EPHA6: variants seen among roughly 807,000 people sequenced by gnomAD.
EPHA6 encodes ephrin type-A receptor 6.
EPHA6 carries 50 observed loss-of-function variants against 112.0 expected under a neutral mutation model. That is an observed-to-expected ratio of 0.45 (90% CI 0.36 to 0.56). EPHA6 has a LOEUF of 0.56. EPHA6 is among the 20% of genes least tolerant of loss of function. EPHA6 has a pLI of 0.00. For missense variants in EPHA6, 1,280 were observed against 1,417.4 expected (o/e 0.90, Z 1.56); for synonymous variants, 529 against 490.7 (o/e 1.08, Z -1.03).
chr3:96,899,518 T>C (rs1231203611), intron 2 of EPHA6, among the ~76,000 whole-genome samples: 2 of 152,202 alleles, frequency 1.3e-5, no homozygotes, highest in South Asian at 2.1e-4. Context: ...GACAATCAAA[T>C]ATGTAGACTA....
At chr3:97,624,146 C>T (rs915035370) in intron 13 of EPHA6, among the ~76,000 whole-genome samples, 4 of 151,616 alleles carry the variant, frequency 2.6e-5, no homozygotes, top group Admixed American at 6.6e-5. Context: ...TTATAACGGT[C>T]GAGTATGATG....
At chr3:97,137,890 ATG>A (rs2108344635) in intron 3 of EPHA6, among the ~76,000 whole-genome samples, 1 of 152,326 alleles carries the variant, frequency 6.6e-6, no homozygotes, top group East Asian at 1.9e-4. Context: ...GTAGAAAAAA[ATG>A]TGAGAGAAGG....
At chr3:97,589,176 A>C (rs1169269464) in intron 11 of EPHA6, among the ~76,000 whole-genome samples, 1 of 145,832 alleles carries the variant, frequency 6.9e-6, no homozygotes, top group South Asian at 2.1e-4. Flanking sequence ...TTTTTTTTTT[A>C]GCTCATGATC....
chr3:97,179,717 G>GTCTCTCTCTCTCTCTCTT (rs2076932819), intron 3 of EPHA6, among the ~76,000 whole-genome samples: 3 of 119,110 alleles, frequency 2.5e-5, no homozygotes, highest in African/African-American at 1.1e-4. Flanking sequence ...AACCTACAGA[G>GTCTCTCTCTCTCTCTCTT]TCTCTCTCTC....
intron 11 of EPHA6, 51 bp from the exon 12 acceptor site, chr3:97,592,561 G>T: frequency 1.2e-6 from 2 of 1,603,742 alleles, no homozygotes. Flanking sequence ...AATGATCAAT[G>T]CTTTTCCATA....
chr3:97,534,893 C>T (rs1325862793), intron 11 of EPHA6, among the ~76,000 whole-genome samples: 2 of 152,016 alleles, frequency 1.3e-5, no homozygotes, highest in Non-Finnish European at 2.9e-5. Flanking sequence ...TTGAAGTCCT[C>T]TGATGTGTGT....
intron 10 of EPHA6, among the ~76,000 whole-genome samples, chr3:97,498,985 C>T (rs2092051577): frequency 6.6e-6 from 1 of 152,216 alleles, no homozygotes; most frequent in Non-Finnish European, 1.5e-5. Flanking sequence ...TGAAGGATGA[C>T]AGATTTCCAT....
At chr3:97,315,758 C>T (rs113563082) in intron 5 of EPHA6, among the ~76,000 whole-genome samples, 11 of 151,806 alleles carry the variant, frequency 7.2e-5, no homozygotes, top group African/African-American at 2.7e-4. Flanking sequence ...TTTAACAAGT[C>T]TATGAAATGT....
At chr3:97,499,298 A>G (rs1261428537) in intron 10 of EPHA6, among the ~76,000 whole-genome samples, 1 of 152,170 alleles carries the variant, frequency 6.6e-6, no homozygotes, top group Admixed American at 6.5e-5. Context: ...TCCTCTCAAT[A>G]TAATTGTTGC....
intron 3 of EPHA6, among the ~76,000 whole-genome samples, chr3:97,118,839 C>T (rs1559739654): frequency 1.3e-5 from 2 of 151,844 alleles, no homozygotes; most frequent in South Asian, 2.1e-4. Flanking sequence ...AAAATACTCT[C>T]GTAGTTTAAC....
chr3:97,404,255 T>G (rs971885180), intron 5 of EPHA6, among the ~76,000 whole-genome samples: 6 of 152,208 alleles, frequency 3.9e-5, no homozygotes, highest in Admixed American at 3.9e-4. Context: ...TCATTTTGCA[T>G]TACCACCAAC....
At chr3:97,322,026 T>C (rs2082145103) in intron 5 of EPHA6, among the ~76,000 whole-genome samples, 1 of 152,094 alleles carries the variant, frequency 6.6e-6, no homozygotes, top group South Asian at 2.1e-4. Context: ...TTCCAGGTCC[T>C]AGCTATGAAA....
chr3:97,142,754 A>G (rs1407174805), intron 3 of EPHA6, among the ~76,000 whole-genome samples: 1 of 151,938 alleles, frequency 6.6e-6, no homozygotes, highest in Non-Finnish European at 1.5e-5. Context: ...CAATAGACAC[A>G]GAAAAAGCAT....
intron 5 of EPHA6, among the ~76,000 whole-genome samples, chr3:97,367,568 A>AT (rs1260968066): frequency 6.6e-6 from 1 of 151,082 alleles, no homozygotes; most frequent in African/African-American, 2.4e-5. Context: ...GGTTGTTTTT[A>AT]TTTATTTTTT....
intron 3 of EPHA6, among the ~76,000 whole-genome samples, chr3:97,154,873 T>C (rs1311635602): frequency 1.2e-4 from 18 of 152,210 alleles, no homozygotes; most frequent in Admixed American, 1.2e-3. Context: ...ATTAGTTTAA[T>C]TGACTAAAAT....
At chr3:97,222,226 T>C (rs1343879834) in intron 3 of EPHA6, among the ~76,000 whole-genome samples, 1 of 152,180 alleles carries the variant, frequency 6.6e-6, no homozygotes, top group Non-Finnish European at 1.5e-5. Flanking sequence ...TGCTGTATAC[T>C]ATTAATGTGT....
At chr3:97,650,121 G>A (rs1409433899) in intron 14 of EPHA6, among the ~76,000 whole-genome samples, 1 of 152,090 alleles carries the variant, frequency 6.6e-6, no homozygotes, top group African/African-American at 2.4e-5. Context: ...TGGAGATGGA[G>A]GAGCAACACA....
chr3:97,245,988 T>G (rs906978032), intron 5 of EPHA6, among the ~76,000 whole-genome samples: 11 of 152,048 alleles, frequency 7.2e-5, no homozygotes, highest in Non-Finnish European at 7.4e-5. Context: ...TATTGTACAC[T>G]CATAGTCTTT....
At chr3:97,688,666 T>C (rs1576291079) in intron 14 of EPHA6, among the ~76,000 whole-genome samples, 1 of 151,606 alleles carries the variant, frequency 6.6e-6, no homozygotes, top group African/African-American at 2.4e-5. Flanking sequence ...ATGGCACATG[T>C]ATACATATGT....
Sources: gnomAD v4.1 joint callset for allele counts (sites outside exome capture counted in the v4.1 genomes callset) on GRCh38, gnomAD v4.1.1 for gene constraint, MANE v1.5 for transcripts, NCBI Gene and HGNC (gene_info 2026-07-23, HGNC 2026-07-21) for gene names.